The following PITPNM1 variants were observed in gnomAD, a reference collection of about 807,000 sequenced individuals.
The protein encoded by PITPNM1 is phosphatidylinositol transfer protein membrane associated 1, also known as membrane-associated phosphatidylinositol transfer protein 1.
PITPNM1 carries 74 observed loss-of-function variants against 133.3 expected under a neutral mutation model. The ratio of observed to expected loss-of-function variants is 0.56; its 90% CI spans 0.46 to 0.67. The LOEUF (loss-of-function observed/expected upper bound fraction) is 0.67, where lower values mean the gene tolerates loss of function less well. Among genes scored for constraint, PITPNM1 ranks in the 30% least tolerant of loss-of-function variants. The probability of loss-of-function intolerance (pLI) is 0.00; values close to 1 mark genes in which losing one functional copy is unlikely to be tolerated. For synonymous variants in PITPNM1, 738 were observed against 741.4 expected (o/e 1.00, Z 0.08); for missense variants, 1,398 against 1,739.5 (o/e 0.80, Z 3.49).
Position 67,491,928 on chromosome 11 carries a change from G to T in PITPNM1, c.*105C>A, listed in dbSNP as rs533561593. ...GAGATATAGGGTGTGGGGCTGGGGG[G>T]GCCAGCGCTGGGGCCAAAAGTCTGG... On this transcript the variant is annotated 3_prime_UTR_variant, in exon 24 of 24. Coordinates refer to ENST00000356404, the MANE Select transcript of PITPNM1 (RefSeq NM_004910.3). 55 of 1,283,478 alleles carry T rather than the reference G, an allele frequency of 4.3e-5. No homozygotes were observed. Among genetic ancestry groups the T allele is most frequent in the Non-Finnish European group, 5.9e-5 (55 of 928,290 alleles). The allele number at this position is 1,283,478 out of a possible 1,614,324, so 79.5% of individuals were successfully genotyped here.
At chr11:67,495,645 C>T (rs1268755840) in intron 15 of PITPNM1, 43 bp from the exon 16 acceptor site, 3 of 1,499,624 alleles carry the variant, frequency 2.0e-6, no homozygotes, top group African/African-American at 2.8e-5. Context: ...GGCCAGGTGG[C>T]TCTCCTGTCT....
rs771178273 is a variant in PITPNM1 at position 67,502,023 on chromosome 11, C to T, written c.479G>A (p.Arg160Gln). The T allele has an allele frequency of 1.5e-5, 24 of 1,613,318 alleles. No homozygotes were observed. The highest frequency in any genetic ancestry group is 3.3e-5 in the Admixed American group (2 of 59,994). Residue 160 changes from arginine (R) to glutamine (Q), a missense_variant, in exon 5 of 24, where the codon CGG (arginine) becomes CAG (glutamine). By Grantham distance (43) the Arg-to-Gln change is conservative (BLOSUM62 1). Coordinates refer to ENST00000356404, the MANE Select transcript of PITPNM1 (RefSeq NM_004910.3). This position sits in a 1 kb window ranked among gnomAD's most constrained non-coding sequence, Gnocchi z 5.9. ...PGEYKAEEDP[R>Q]LYHSVKTGRG... is the part of the protein sequence containing the mutation. ...GCCCGTCTTGACCGAGTGATAAAGC[C>T]GGGGGTCCTCTTCTGCTTTGTACTC...
chr11:67,493,651 C>A (rs375331166), intron 21 of PITPNM1, 37 bp downstream of exon 21: 6 of 1,545,314 alleles, frequency 3.9e-6, no homozygotes, highest in East Asian at 2.4e-5. Flanking sequence ...CCGGTCACCC[C>A]GGTGAAATGG....
chr11:67,494,207 G>T (rs773927837), intron 19 of PITPNM1, 37 bp downstream of exon 19: 28 of 1,590,636 alleles, frequency 1.8e-5, no homozygotes, highest in Non-Finnish European at 2.3e-5. Context: ...AGGAGATGGG[G>T]CCATGGGACC....
chr11:67,497,215 A>G lies in PITPNM1; in HGVS notation c.2146+16T>C, dbSNP rs766128310. ...AGACAGAGACTAGAGGCGCCCCCGCAGCCCCTAGGACTCACCCTCCAGGGC... is the reference window on the plus strand; with the variant it reads ...AGACAGAGACTAGAGGCGCCCCCGCGGCCCCTAGGACTCACCCTCCAGGGC... On this transcript the variant is annotated intron_variant, in intron 14 of 23. Coordinates refer to ENST00000356404, the MANE Select transcript of PITPNM1 (RefSeq NM_004910.3). 124 of 1,572,958 alleles carry G rather than the reference A, an allele frequency of 7.9e-5. 1 individual carries two copies. The highest frequency in any genetic ancestry group is 8.8e-5 in the Non-Finnish European group (102 of 1,156,096).
Position 67,492,314 on chromosome 11 carries a change from C to T in PITPNM1, c.3472-18G>A, listed in dbSNP as rs1432961745. On this transcript the variant is annotated intron_variant, in intron 23 of 23. Transcript: ENST00000356404. ...GACAGGAACTGTGGGCAGAGGTAGGCAGCGATGAGGGGGTGCTGGCCAAGG... is the reference window on the plus strand; with the variant it reads ...GACAGGAACTGTGGGCAGAGGTAGGTAGCGATGAGGGGGTGCTGGCCAAGG... 2 of 1,539,252 alleles carry T rather than the reference C, an allele frequency of 1.3e-6. No individual in the cohort carries two copies. The highest frequency in any genetic ancestry group is 8.8e-7 in the Non-Finnish European group (1 of 1,141,306).
At chr11:67,494,596 C>A (rs1384687342) in intron 18 of PITPNM1, among the ~76,000 whole-genome samples, 5 of 151,980 alleles carry the variant, frequency 3.3e-5, no homozygotes, top group African/African-American at 1.2e-4. Context: ...GAGGATGAGG[C>A]GAGGTGGGGA....
chr11:67,495,406 C>A, intron 16 of PITPNM1, 32 bp downstream of exon 16: 2 of 1,468,962 alleles, frequency 1.4e-6, no homozygotes, highest in Admixed American at 2.6e-5. Flanking sequence ...TCCCCCACCC[C>A]CAGGCTGGAC....
In PITPNM1 at chr11:67,500,197, C is replaced by T. The variant is rs779302543; in HGVS notation, c.865G>A (p.Asp289Asn). ...GGGCCTGGGGGGGCCTCAGGCCCAT[C>T]GGGGGTGCCAGTGTTGCTGGCCGCA... ...RSAASNTGTP[D>N]GPEAPPGPDA... Residue 289 changes from aspartate to asparagine, a missense_variant, in exon 6 of 24, where the codon GAT becomes AAT. Asp to Asn is a conservative substitution (Grantham distance 23, BLOSUM62 1). Coordinates refer to ENST00000356404, the MANE Select transcript of PITPNM1 (RefSeq NM_004910.3). The T allele has an allele frequency of 1.7e-5, 27 of 1,602,884 alleles. No individual in the cohort carries two copies. Among genetic ancestry groups the T allele is most frequent in the East Asian group, 8.9e-5 (4 of 44,856 alleles).
rs1459884878 is a variant in PITPNM1, at chr11:67,500,002, C to G, written c.975G>C (p.Val325=). 1.2e-6 allele frequency: 2 copies of G among 1,612,118 alleles called. No individual in the cohort carries two copies. The highest frequency in any genetic ancestry group is 2.7e-5 in the African/African-American group (2 of 74,942). The change falls in exon 7 of 24, where the codon GTG becomes GTC. Residue 325 remains valine (V), a synonymous_variant. Transcript: ENST00000356404. ...GCCACTCAGACAAGCTCTGGGGAGA[C>G]ACAGCCCCTGCCGGGCCAGCTCAGC... is the stretch of plus-strand genomic sequence containing the variant. ...SSYSSQHGGA[V]SPQSLSEWRM...
intron 5 of PITPNM1, among the ~76,000 whole-genome samples, chr11:67,500,984 T>A (rs1866305026): frequency 6.6e-6 from 1 of 152,248 alleles, no homozygotes; most frequent in African/African-American, 2.4e-5. Flanking sequence ...ATCTTAGTAG[T>A]GGCTATATTT....
At position 67,498,670 on chromosome 11, in the gene PITPNM1, C is replaced by A; in HGVS notation, c.1410G>T (p.Glu470Asp). Residue 470 changes from glutamate (E) to aspartate (D), a missense_variant, in exon 10 of 24, where the codon GAG (glutamate) becomes GAT (aspartate). Physicochemically the swap from Glu to Asp is conservative, Grantham distance 45. This residue lies in a region of PITPNM1 where 574 missense variants were observed against 698.7 expected (regional missense o/e 0.82). Coordinates refer to ENST00000356404, the MANE Select transcript of PITPNM1 (RefSeq NM_004910.3). The surrounding 1 kb of genome is among the most constrained non-coding windows in gnomAD (Gnocchi z 5.7). ...GTCGCAGCGCCACGTGGCCCAAGGC[C>A]TCAGGGAAGTGGATGCGGGTGACGG... ...FEAVTRIHFPEALGHVALRLV... is the reference protein window; with the variant it reads ...FEAVTRIHFPDALGHVALRLV... The A allele has an allele frequency of 6.2e-7, 1 of 1,602,160 alleles. No homozygotes were observed. The highest frequency in any genetic ancestry group is 8.5e-7 in the Non-Finnish European group (1 of 1,179,944).
At position 67,497,448 on chromosome 11, in the gene PITPNM1, G is replaced by A. The variant is rs780595980; in HGVS notation, c.1941-12C>T. ...GGGCTGCCTGAAGGCTGTGGGGGAG[G>A]AGGGGTGCTCAGTGCTGCTGCCTCT... On this transcript the variant is annotated splice_polypyrimidine_tract_variant and intron_variant, in intron 13 of 23. Coordinates refer to ENST00000356404, the MANE Select transcript of PITPNM1 (RefSeq NM_004910.3). The A allele has an allele frequency of 6.5e-5, 104 of 1,591,706 alleles. No individual in the cohort carries two copies. Among genetic ancestry groups the A allele is most frequent in the Non-Finnish European group, 8.6e-5 (100 of 1,167,036 alleles).
At chr11:67,493,169 G>A (rs549759931) in intron 22 of PITPNM1, 107 bp from the exon 23 acceptor site, 7 of 1,384,046 alleles carry the variant, frequency 5.1e-6, no homozygotes, top group South Asian at 3.8e-5. Flanking sequence ...CCAGGCAGAC[G>A]GAGGCGAAGA....
chr11:67,503,343 A>G (rs1186389269), intron 2 of PITPNM1, among the ~76,000 whole-genome samples: 1 of 152,138 alleles, frequency 6.6e-6, no homozygotes, highest in Non-Finnish European at 1.5e-5. Flanking sequence ...GTGGCTGGCA[A>G]GGAAGAAGGG....
chr11:67,503,265 G>C (rs993945545), intron 2 of PITPNM1, among the ~76,000 whole-genome samples: 1 of 152,192 alleles, frequency 6.6e-6, no homozygotes, highest in East Asian at 1.9e-4. Context: ...GCTCAAGGCC[G>C]GGGGAAGCCA....
Position 67,491,875 on chromosome 11 carries a change from A to G in PITPNM1, c.*158T>C, listed in dbSNP as rs913624397. ...CCCCGGCGCTGGGTCCCCTCATATG[A>G]AAGGGAAGTAACACCGAGGAGCACA... On this transcript the variant is annotated 3_prime_UTR_variant, in exon 24 of 24. Coordinates refer to ENST00000356404, the MANE Select transcript of PITPNM1 (RefSeq NM_004910.3). 6 of 788,650 alleles carry G rather than the reference A, an allele frequency of 7.6e-6. No homozygotes were observed. The highest frequency in any genetic ancestry group is 1.2e-5 in the Non-Finnish European group (6 of 510,920). The allele number at this position is 788,650 out of a possible 1,614,324, so 48.9% of individuals were successfully genotyped here.
At position 67,498,477 on chromosome 11, in the gene PITPNM1, A is replaced by G; in HGVS notation, c.1484+119T>C. The G allele has an allele frequency of 4.1e-6, 6 of 1,467,384 alleles. No homozygotes were observed. The highest frequency in any genetic ancestry group is 5.5e-6 in the Non-Finnish European group (6 of 1,089,280). The allele number at this position is 1,467,384 out of a possible 1,614,324, so 90.9% of individuals were successfully genotyped here. Reference sequence around the variant, plus strand: ...CTGAAATGGAGCCATTCTCCAGAACAGGTCCAGCCATGCCAGTGACCGACC... The same window carrying G: ...CTGAAATGGAGCCATTCTCCAGAACGGGTCCAGCCATGCCAGTGACCGACC... On this transcript the variant is annotated intron_variant, in intron 10 of 23. Transcript: ENST00000356404. The surrounding 1 kb of genome is among the most constrained non-coding windows in gnomAD (Gnocchi z 5.7).
intron 23 of PITPNM1, 57 bp from the exon 24 acceptor site, chr11:67,492,353 C>A: frequency 6.8e-7 from 1 of 1,460,152 alleles, no homozygotes; most frequent in Admixed American, 2.6e-5. Context: ...CACACGCTGC[C>A]CTCCACGGTC....
Sources: gnomAD v4.1 joint callset for allele counts (sites outside exome capture counted in the v4.1 genomes callset) on GRCh38, gnomAD v4.1.1 for gene constraint, gnomAD v4.1.1 regional missense constraint, Gnocchi (gnomAD v3.1) non-coding constraint, MANE v1.5 for transcripts, NCBI Gene and HGNC (gene_info 2026-07-23, HGNC 2026-07-21) for gene names.